Variants in TP73 observed in about 807,000 individuals in gnomAD.
TP73 encodes the protein tumor protein p73.
In TP73, 25 loss-of-function variants were observed where a neutral mutation model predicts 62.5. That is an observed-to-expected ratio of 0.40 (90% confidence interval 0.29 to 0.56). The LOEUF (loss-of-function observed/expected upper bound fraction) is 0.56, where lower values mean the gene tolerates loss of function less well. Ranked by LOEUF, TP73 falls within the 20% of genes least tolerant of loss-of-function variation. The pLI is 0.46. For missense variants in TP73, 754 were observed against 913.3 expected (o/e 0.83, Z 2.25); for synonymous variants, 423 against 377.5 (o/e 1.12, Z -1.40).
chr1:3,733,976 G>GCGC lies in TP73; in HGVS notation c.*899_*901dup, dbSNP rs1200357911. 1 of 146,162 alleles carries GCGC rather than the reference G, an allele frequency of 6.8e-6. No individual in the cohort carries two copies. The allele number at this position is 146,162 out of a possible 1,614,324, so 9.1% of individuals were successfully genotyped here. On this transcript the variant is annotated 3_prime_UTR_variant, in exon 14 of 14. Coordinates refer to ENST00000378295, the MANE Select transcript of TP73 (RefSeq NM_005427.4). Reference sequence around the variant, plus strand: ...AGCATTCTCTTTGGAGTTCAACCTAGCGCCCATGAGCCAGGCTGAGGAAGC... The same window carrying GCGC: ...AGCATTCTCTTTGGAGTTCAACCTAGCGCCGCCCATGAGCCAGGCTGAGGAAGC...
At chr1:3,674,577 C>T (rs899155296) in intron 1 of TP73, among the ~76,000 whole-genome samples, 3 of 152,244 alleles carry the variant, frequency 2.0e-5, no homozygotes, top group Admixed American at 6.5e-5. Flanking sequence ...CTGGCCCCAT[C>T]GTACCCACAG....
At chr1:3,673,609 C>T (rs1645293707) in intron 1 of TP73, among the ~76,000 whole-genome samples, 3 of 152,188 alleles carry the variant, frequency 2.0e-5, no homozygotes, top group Non-Finnish European at 2.9e-5. Flanking sequence ...AGGTGGGCTG[C>T]GTGGGCAGAG....
intron 3 of TP73, among the ~76,000 whole-genome samples, chr1:3,702,860 T>A (rs1053366356): frequency 7.9e-5 from 12 of 152,230 alleles, no homozygotes; most frequent in African/African-American, 2.9e-4. Context: ...GTGCCCGGGT[T>A]CCTCCCCGTG....
intron 3 of TP73, chr1:3,690,991 G>T: frequency 6.4e-7 from 1 of 1,557,676 alleles, no homozygotes. Flanking sequence ...GACTTTGCGG[G>T]GGATTTTGCT....
chr1:3,708,040 C>T (rs982354804), intron 4 of TP73: 4 of 598,304 alleles, frequency 6.7e-6, no homozygotes, highest in Non-Finnish European at 1.2e-5. Context: ...AGGGGACGGA[C>T]TTGGCCCTGC....
rs1385886035 is a variant in TP73 at position 3,707,614 on chromosome 1, C to T, written c.252C>T (p.Pro84=). The change falls in exon 4 of 14, where the codon CCC becomes CCT. Residue 84 remains proline, a synonymous_variant. Coordinates refer to ENST00000378295, the MANE Select transcript of TP73 (RefSeq NM_005427.4). The part of the protein sequence containing the change: ...QMSSRAASAS[P]YTPEHAASVP... ...GCAGCCGCGCGGCCTCGGCCAGCCC[C>T]TACACCCCAGAGCACGCCGCCAGCG... is the stretch of plus-strand genomic sequence containing the variant. 6.2e-7 allele frequency: 1 copy of T among 1,612,780 alleles called. No individual in the cohort carries two copies. The highest frequency in any genetic ancestry group is 2.2e-5 in the East Asian group (1 of 44,868).
At chr1:3,685,607 G>T (rs1030701106) in intron 3 of TP73, among the ~76,000 whole-genome samples, 4 of 152,174 alleles carry the variant, frequency 2.6e-5, no homozygotes, top group Admixed American at 2.6e-4. Context: ...CCATGGGAGC[G>T]CCAGGTACAA....
At chr1:3,697,597 C>A (rs1432962110) in intron 3 of TP73, among the ~76,000 whole-genome samples, 1 of 152,232 alleles carries the variant, frequency 6.6e-6, no homozygotes, top group South Asian at 2.1e-4. Context: ...TGTTTACTGT[C>A]GTCAGCATGG....
chr1:3,707,559 A>G lies in TP73; in HGVS notation c.197A>G (p.Asn66Ser), dbSNP rs1251168569. Residue 66 changes from asparagine to serine, a missense_variant, in exon 4 of 14, where the codon AAT becomes AGT. Transcript: ENST00000378295. ...CCTTTCCCGCGCCAGGCCCAGTTCAATCTGCTGAGCAGCACCATGGACCAG... is the reference window on the plus strand; with the variant it reads ...CCTTTCCCGCGCCAGGCCCAGTTCAGTCTGCTGAGCAGCACCATGGACCAG... ...GMTTSVMAQF[N>S]LLSSTMDQMS... is the part of the protein sequence containing the mutation. The G allele has an allele frequency of 1.2e-6, 2 of 1,607,788 alleles. No individual in the cohort carries two copies. The highest frequency in any genetic ancestry group is 1.7e-6 in the Non-Finnish European group (2 of 1,175,904).
Position 3,732,803 on chromosome 1 carries a change from G to A in TP73, c.1635G>A (p.Leu545=), listed in dbSNP as rs201400633. ...EQYRMTIWRG[L]QDLKQGHDYS... Reference sequence around the variant, plus strand: ...ACCGCATGACCATCTGGCGGGGCCTGCAGGACCTGAAGCAGGGCCACGACT... The same window carrying A: ...ACCGCATGACCATCTGGCGGGGCCTACAGGACCTGAAGCAGGGCCACGACT... The change falls in exon 14 of 14, where the codon CTG becomes CTA. Residue 545 remains leucine, a synonymous_variant. Coordinates refer to ENST00000378295, the MANE Select transcript of TP73 (RefSeq NM_005427.4). 134 of 1,607,030 alleles carry A rather than the reference G, an allele frequency of 8.3e-5. No homozygotes were observed. The highest frequency in any genetic ancestry group is 1.1e-4 in the Non-Finnish European group (129 of 1,175,814).
chr1:3,722,204 G>C lies in TP73; in HGVS notation c.613G>C (p.Glu205Gln). The C allele has an allele frequency of 6.2e-7, 1 of 1,612,504 alleles. No homozygotes were observed. Residue 205 changes from glutamate (E) to glutamine (Q), a missense_variant, in exon 5 of 14, where the codon GAA becomes CAA. Transcript: ENST00000378295. ...CCACGAGCTCGGGAGGGACTTCAAC[G>C]AAGGTGAGGGCCCCCAGCTCCTCTG... ...PNHELGRDFN[E>Q]GQSAPASHLI...
chr1:3,732,081 T>C (rs765929355), intron 13 of TP73, among the ~76,000 whole-genome samples: 46 of 152,196 alleles, frequency 3.0e-4, no homozygotes, highest in East Asian at 5.8e-4. Flanking sequence ...AGCCTGCTGG[T>C]AGCCTAGGAC....
At chr1:3,727,425 TC>T in intron 7 of TP73, 2 of 938,318 alleles carry the variant, frequency 2.1e-6, no homozygotes. Context: ...GAGGTGGGAG[TC>T]CCCGGCGAGG....
intron 4 of TP73, among the ~76,000 whole-genome samples, chr1:3,720,078 T>C (rs1404767351): frequency 6.6e-6 from 1 of 152,162 alleles, no homozygotes; most frequent in African/African-American, 2.4e-5. Flanking sequence ...GCCCGCCACC[T>C]TGCCTGGCTA....
rs1351623039 is a variant in TP73 at position 3,733,089 on chromosome 1, C to T, written c.*10C>T. On this transcript the variant is annotated 3_prime_UTR_variant, in exon 14 of 14. Transcript: ENST00000378295. Reference sequence around the variant, plus strand: ...GGCCGAGATCCACTGAGGGCCTCGCCTGGCTGCAGCCTGCGCCACCGCCCA... The same window carrying T: ...GGCCGAGATCCACTGAGGGCCTCGCTTGGCTGCAGCCTGCGCCACCGCCCA... 3.9e-6 allele frequency: 6 copies of T among 1,523,232 alleles called. No homozygotes were observed. Among genetic ancestry groups the T allele is most frequent in the Non-Finnish European group, 5.3e-6 (6 of 1,137,472 alleles). The allele number at this position is 1,523,232 out of a possible 1,614,324, so 94.4% of individuals were successfully genotyped here.
At chr1:3,712,837 GCCCCAGCAGCCAGA>G (rs1640264095) in intron 4 of TP73, among the ~76,000 whole-genome samples, 1 of 152,106 alleles carries the variant, frequency 6.6e-6, no homozygotes, top group South Asian at 2.1e-4. Context: ...GCCGGACCTG[GCCCCAGCAGCCAGA>G]CCCCTAACCT....
chr1:3,727,490 C>G (rs372378806), intron 7 of TP73, 138 bp from the exon 8 acceptor site: 1 of 1,281,726 alleles, frequency 7.8e-7, no homozygotes. Context: ...CGGGAACACT[C>G]GCTGCCGGCA....
chr1:3,702,145 G>T (rs1350662852), intron 3 of TP73, among the ~76,000 whole-genome samples: 2 of 152,198 alleles, frequency 1.3e-5, no homozygotes, highest in African/African-American at 2.4e-5. Context: ...GACGGTAGAT[G>T]CTGGTGCTTG....
At chr1:3,723,087 G>C (rs1641227892) in intron 5 of TP73, among the ~76,000 whole-genome samples, 1 of 147,282 alleles carries the variant, frequency 6.8e-6, no homozygotes, top group Non-Finnish European at 1.5e-5. Flanking sequence ...ACTGGGCTGG[G>C]CACCTCTGCA....
Sources: allele counts gnomAD v4.1 joint callset (sites outside exome capture counted in the v4.1 genomes callset), GRCh38; gene constraint gnomAD v4.1.1; transcripts MANE v1.5; gene names NCBI Gene and HGNC (gene_info 2026-07-23, HGNC 2026-07-21).